Variants in FBXL17 observed in about 807,000 individuals in gnomAD.
The protein encoded by FBXL17 is F-box/LRR-repeat protein 17.
Under a neutral mutation model 66.2 loss-of-function variants are expected in FBXL17, and 22 were observed. The observed-to-expected ratio is 0.33, with a 90% CI of 0.24 to 0.47. The LOEUF is 0.47. Among genes scored for constraint, FBXL17 ranks in the 20% least tolerant of loss-of-function variants. The probability of loss-of-function intolerance (pLI) is 1.00; values close to 1 mark genes in which losing one functional copy is unlikely to be tolerated. For missense variants in FBXL17, 878 were observed against 948.2 expected, an observed-to-expected ratio of 0.93 and a Z score of 0.97; for synonymous variants, 474 against 400.5, an observed-to-expected ratio of 1.18 and a Z score of -2.19.
intron 4 of FBXL17, among the ~76,000 whole-genome samples, chr5:108,342,935 T>C (rs1157224062): frequency 3.3e-5 from 5 of 152,152 alleles, no homozygotes; most frequent in Admixed American, 1.3e-4. Context: ...ACCTCCAAGA[T>C]GATAGTATTA....
chr5:108,381,444 G>T lies in FBXL17; in HGVS notation c.248C>A (p.Ser83Ter). The T allele has an allele frequency of 7.6e-7, 1 of 1,315,352 alleles. No homozygotes were observed. The highest frequency in any genetic ancestry group is 3.1e-5 in the East Asian group (1 of 32,238). 81.5% of individuals were successfully genotyped at this position (1,315,352 alleles called of 1,614,324 possible). ...PAGPEEEPPL[S>*]PPPRDGAYAA... ...GTAGGCCCCGTCCCGCGGCGGCGGCGAGAGCGGCGGCTCCTCCTCTGGGCC... is the reference window on the plus strand; with the variant it reads ...GTAGGCCCCGTCCCGCGGCGGCGGCTAGAGCGGCGGCTCCTCCTCTGGGCC... Residue 83 changes from serine (S) to a stop codon, truncating the protein, a stop_gained, in exon 1 of 9, where the codon TCG becomes TAG. Transcript: ENST00000542267. LOFTEE classifies it high-confidence loss of function.
intron 6 of FBXL17, among the ~76,000 whole-genome samples, chr5:108,062,600 T>C (rs781322650): frequency 6.6e-6 from 1 of 152,182 alleles, no homozygotes; most frequent in Non-Finnish European, 1.5e-5. Flanking sequence ...ATATTAAATA[T>C]ATAAACTTCC....
chr5:108,126,625 C>CTCTTTG (rs1750706935), intron 6 of FBXL17, among the ~76,000 whole-genome samples: 2 of 69,738 alleles, frequency 2.9e-5, no homozygotes, highest in South Asian at 1.6e-3. Context: ...ATCTCTCTGT[C>CTCTTTG]TCTCTGTCTC....
intron 6 of FBXL17, among the ~76,000 whole-genome samples, chr5:108,107,602 G>A (rs1322143653): frequency 6.6e-6 from 1 of 151,916 alleles, no homozygotes; most frequent in Admixed American, 6.6e-5. Flanking sequence ...CACGAGGTCA[G>A]GAGATTGAGA....
intron 4 of FBXL17, among the ~76,000 whole-genome samples, chr5:108,257,393 G>C (rs993515615): frequency 6.6e-6 from 1 of 152,120 alleles, no homozygotes; most frequent in African/African-American, 2.4e-5. Context: ...CCACCATGAT[G>C]AAACACAGAA....
intron 2 of FBXL17, among the ~76,000 whole-genome samples, chr5:108,366,279 TTC>T (rs1393284224): frequency 6.6e-6 from 1 of 152,074 alleles, no homozygotes; most frequent in Non-Finnish European, 1.5e-5. Context: ...CCTCTACATA[TTC>T]TGTGCCCAAT....
rs566533914 is a variant in FBXL17, at chr5:108,112,712, G to A, written c.1745+73405C>T. On this transcript the variant is annotated intron_variant, in intron 6 of 8. Transcript: ENST00000542267. The stretch of plus-strand genomic sequence containing the variant: ...AAAATATATTACTGCTCAAGAAGGA[G>A]AAGGAATGCATGAACATGATCAAGA... Among the ~76,000 whole-genome samples, 732 of 150,094 alleles carry A rather than the reference G, an allele frequency of 4.9e-3. 11 individuals carry two copies. Among genetic ancestry groups the A allele is most frequent in the South Asian group, 2.6e-3 (12 of 4,592 alleles).
intron 7 of FBXL17, among the ~76,000 whole-genome samples, chr5:107,903,693 A>ATAGG (rs1749648674): frequency 6.6e-6 from 1 of 151,904 alleles, no homozygotes; most frequent in East Asian, 1.9e-4. Flanking sequence ...AAAGGTAAAG[A>ATAGG]TAGGTCTTTA....
At chr5:107,867,567 G>T (rs938575123) in intron 8 of FBXL17, among the ~76,000 whole-genome samples, 12 of 152,242 alleles carry the variant, frequency 7.9e-5, no homozygotes, top group African/African-American at 2.9e-4. Context: ...GCCCAGGAGG[G>T]CAGACCATTT....
chr5:108,154,405 A>G (rs1451984611), intron 6 of FBXL17, among the ~76,000 whole-genome samples: 1 of 151,076 alleles, frequency 6.6e-6, no homozygotes, highest in Non-Finnish European at 1.5e-5. Context: ...ACCAGCCTCA[A>G]CATGGAGAAA....
Position 107,861,552 on chromosome 5 carries a change from T to C in FBXL17, c.*168A>G, listed in dbSNP as rs1748122421. 2 of 535,928 alleles carry C rather than the reference T, an allele frequency of 3.7e-6. No individual in the cohort carries two copies. The highest frequency in any genetic ancestry group is 5.7e-6 in the Non-Finnish European group (2 of 353,604). The allele number at this position is 535,928 out of a possible 1,614,324, so 33.2% of individuals were successfully genotyped here. A position where few individuals can be genotyped will look rare whatever the true frequency, so the allele number is the denominator to read the frequency against. On this transcript the variant is annotated 3_prime_UTR_variant, in exon 9 of 9. Coordinates refer to ENST00000542267, the MANE Select transcript of FBXL17 (RefSeq NM_001163315.3). The stretch of plus-strand genomic sequence containing the variant: ...AAAAGCCAGCTCACTTGGGAACAAA[T>C]GACAACTGCACTTTTGGTATGCAGT...
intron 4 of FBXL17, among the ~76,000 whole-genome samples, chr5:108,293,087 CAAAAAAAAAACAAA>C (rs1195744467): frequency 2.6e-5 from 3 of 116,480 alleles, no homozygotes; most frequent in Non-Finnish European, 3.6e-5. Context: ...GACTCTGTCT[CAAAAAAAAAACAAA>C]AAAAAAAAAA....
chr5:108,073,657 C>T lies in FBXL17; in HGVS notation c.1746-52656G>A, dbSNP rs145797937. Among the ~76,000 whole-genome samples the T allele has an allele frequency of 4.7e-3, 712 of 152,248 alleles. 4 individuals carry two copies. Among genetic ancestry groups the T allele is most frequent in the African/African-American group, 0.017 (687 of 41,546 alleles). On this transcript the variant is annotated intron_variant, in intron 6 of 8. Coordinates refer to ENST00000542267, the MANE Select transcript of FBXL17 (RefSeq NM_001163315.3). The stretch of plus-strand genomic sequence containing the variant: ...TTTACAGTACACTATAAACAAGTTT[C>T]CCTGAAAATCCAACATGTTAAGGTT...
chr5:108,367,959 A>G lies in FBXL17; in HGVS notation c.994-6T>C, dbSNP rs775659885. The G allele has an allele frequency of 1.3e-5, 20 of 1,549,784 alleles. No homozygotes were observed. Among genetic ancestry groups the G allele is most frequent in the Non-Finnish European group, 1.6e-5 (18 of 1,145,858 alleles). ...AGTGACAAATTGGAAAATATCTGTGAATAAAAAACGGTACCATATAATATG... is the reference window on the plus strand; with the variant it reads ...AGTGACAAATTGGAAAATATCTGTGGATAAAAAACGGTACCATATAATATG... On this transcript the variant is annotated splice_region_variant and splice_polypyrimidine_tract_variant and intron_variant, in intron 1 of 8. Transcript: ENST00000542267.
At chr5:108,265,584 C>G (rs6880005) in intron 4 of FBXL17, among the ~76,000 whole-genome samples, 22,160 of 151,984 alleles carry the variant, frequency 0.15, 1,654 homozygotes, top group Admixed American at 0.17. Flanking sequence ...TGAAACCAAC[C>G]ATTGTTCTTA....
chr5:108,109,168 A>G (rs1418666424), intron 6 of FBXL17, among the ~76,000 whole-genome samples: 1 of 152,188 alleles, frequency 6.6e-6, no homozygotes, highest in East Asian at 1.9e-4. Flanking sequence ...GGAAGGACAA[A>G]GAGTAATGGA....
At chr5:107,873,327 A>T (rs76399348) in intron 8 of FBXL17, among the ~76,000 whole-genome samples, 2,227 of 152,286 alleles carry the variant, frequency 0.015, 55 homozygotes, top group African/African-American at 0.05. Context: ...GGTAGGGAGT[A>T]TATCTTGTTC....
intron 6 of FBXL17, among the ~76,000 whole-genome samples, chr5:108,136,628 A>G (rs1459426852): frequency 6.6e-6 from 1 of 152,188 alleles, no homozygotes; most frequent in Non-Finnish European, 1.5e-5. Context: ...AAAAAGATAC[A>G]TACTAATACA....
At chr5:108,220,795 T>G (rs1265827515) in intron 5 of FBXL17, among the ~76,000 whole-genome samples, 1 of 152,148 alleles carries the variant, frequency 6.6e-6, no homozygotes, top group African/African-American at 2.4e-5. Context: ...TATATTTGCA[T>G]TTGCTGAACT....
Sources: gnomAD v4.1 joint callset for allele counts (sites outside exome capture counted in the v4.1 genomes callset) on GRCh38, gnomAD v4.1.1 for gene constraint, MANE v1.5 for transcripts, NCBI Gene and HGNC (gene_info 2026-07-23, HGNC 2026-07-21) for gene names.